The following MAN2A1 variants were observed in gnomAD, a reference collection of about 807,000 sequenced individuals.
MAN2A1 encodes mannosidase alpha class 2A member 1.
Under a neutral mutation model 142.6 loss-of-function variants are expected in MAN2A1, and 76 were observed. The ratio of observed to expected loss-of-function variants is 0.53; its 90% confidence interval spans 0.44 to 0.65. The LOEUF is 0.65. Ranked by LOEUF, MAN2A1 falls within the 30% of genes least tolerant of loss-of-function variation. MAN2A1 has a pLI of 0.00. For missense variants in MAN2A1, 1,311 were observed against 1,365.1 expected (o/e 0.96, Z 0.62); for synonymous variants, 559 against 473.2 (o/e 1.18, Z -2.35).
At chr5:109,751,044 T>C (rs941079886) in intron 4 of MAN2A1, among the ~76,000 whole-genome samples, 1 of 152,056 alleles carries the variant, frequency 6.6e-6, no homozygotes, top group African/African-American at 2.4e-5. Context: ...ATAGTCACCC[T>C]ACTCTGCTGT....
chr5:109,758,631 C>T (rs1262326280), intron 5 of MAN2A1, among the ~76,000 whole-genome samples: 2 of 149,400 alleles, frequency 1.3e-5, no homozygotes, highest in South Asian at 2.1e-4. Flanking sequence ...ATGGTTTTAG[C>T]TCTTACATTT....
chr5:109,828,912 T>C (rs1407418304), intron 16 of MAN2A1, among the ~76,000 whole-genome samples: 1 of 152,202 alleles, frequency 6.6e-6, no homozygotes, highest in Non-Finnish European at 1.5e-5. Context: ...AGTTTTTCTC[T>C]GAGCAATTTT....
intron 3 of MAN2A1, 80 bp downstream of exon 3, chr5:109,716,344 G>T: frequency 8.7e-7 from 1 of 1,154,088 alleles, no homozygotes; most frequent in African/African-American, 1.6e-5. Context: ...TCTGGTAGAG[G>T]CCACTTCTCA....
intron 16 of MAN2A1, among the ~76,000 whole-genome samples, chr5:109,837,660 C>T (rs1278460406): frequency 2.0e-5 from 3 of 152,218 alleles, no homozygotes; most frequent in East Asian, 3.9e-4. Context: ...CCTGTCATTG[C>T]GACATAGCTG....
At chr5:109,694,735 C>T (rs1039635541) in intron 1 of MAN2A1, among the ~76,000 whole-genome samples, 1 of 151,902 alleles carries the variant, frequency 6.6e-6, no homozygotes, top group African/African-American at 2.4e-5. Flanking sequence ...CTTAAGAGTC[C>T]AGCATAGTAG....
rs761979206 is a variant in MAN2A1 at position 109,781,521 on chromosome 5, T to C, written c.1500T>C (p.Asp500=). The change falls in exon 9 of 22, where the codon GAT becomes GAC. Residue 500 remains aspartate (D), a synonymous_variant. Transcript: ENST00000261483. ...SGDFFTYADR[D]DHYWSGYFTS... is the part of the protein sequence containing the mutation. ...ATTTTTTCACTTATGCCGATCGAGATGATCATTACTGGAGTGGCTATTTTA... is the reference window on the plus strand; with the variant it reads ...ATTTTTTCACTTATGCCGATCGAGACGATCATTACTGGAGTGGCTATTTTA... 5.6e-6 allele frequency: 9 copies of C among 1,613,350 alleles called. No homozygotes were observed. In the East Asian group the frequency reaches 1.3e-4, roughly 24 times the overall value.
chr5:109,709,714 G>C (rs980903669), intron 1 of MAN2A1, among the ~76,000 whole-genome samples: 5 of 152,010 alleles, frequency 3.3e-5, no homozygotes, highest in Non-Finnish European at 5.9e-5. Context: ...TTTTTGCTTG[G>C]TTTTTCTCTT....
intron 19 of MAN2A1, among the ~76,000 whole-genome samples, chr5:109,852,212 A>C (rs954299666): frequency 6.6e-6 from 1 of 151,586 alleles, no homozygotes; most frequent in African/African-American, 2.4e-5. Flanking sequence ...TCTGCCCCAC[A>C]GTCTTCAGCT....
chr5:109,780,339 G>A (rs1261232429), intron 8 of MAN2A1, among the ~76,000 whole-genome samples: 4 of 152,068 alleles, frequency 2.6e-5, no homozygotes, highest in Non-Finnish European at 2.9e-5. Context: ...GATTACAGGC[G>A]TGAGCCACCA....
chr5:109,775,782 T>C (rs138440749), intron 8 of MAN2A1, among the ~76,000 whole-genome samples: 1 of 152,136 alleles, frequency 6.6e-6, no homozygotes, highest in South Asian at 2.1e-4. Flanking sequence ...AATAATTTCA[T>C]GATACATATC....
chr5:109,754,346 G>C (rs1398034486), intron 4 of MAN2A1, among the ~76,000 whole-genome samples: 1 of 151,976 alleles, frequency 6.6e-6, no homozygotes, highest in Non-Finnish European at 1.5e-5. Context: ...TTGTTACCTG[G>C]TATGGTATTA....
intron 3 of MAN2A1, among the ~76,000 whole-genome samples, chr5:109,725,125 G>A (rs150005578): frequency 6.6e-6 from 1 of 152,016 alleles, no homozygotes; most frequent in Non-Finnish European, 1.5e-5. Context: ...GTACACAGAG[G>A]CCCACATACC....
At position 109,770,358 on chromosome 5, in the gene MAN2A1, T is replaced by C; in HGVS notation, c.1013T>C (p.Leu338Pro). 1 of 1,610,974 alleles carries C rather than the reference T, an allele frequency of 6.2e-7. No individual in the cohort carries two copies. The highest frequency in any genetic ancestry group is 8.5e-7 in the Non-Finnish European group (1 of 1,178,392). ...GTGTGTTGGCTCTTTATTTTAGATC[T>C]GGGATCTGTCACAGATATTTTATGC... Reference protein sequence around the residue: ...LEFFWRQNWDLGSVTDILCHM... With the variant: ...LEFFWRQNWDPGSVTDILCHM... Residue 338 changes from leucine to proline, a missense_variant, in exon 7 of 22, where the codon CTG becomes CCG. By Grantham distance (98) the Leu-to-Pro change is moderately conservative (BLOSUM62 -3). Transcript: ENST00000261483.
chr5:109,797,679 T>C (rs1317007914), intron 12 of MAN2A1, among the ~76,000 whole-genome samples: 1 of 152,006 alleles, frequency 6.6e-6, no homozygotes, highest in Non-Finnish European at 1.5e-5. Flanking sequence ...TGAAAAGGCC[T>C]CCCTTTATAG....
chr5:109,710,609 A>G (rs1024420160), intron 1 of MAN2A1, among the ~76,000 whole-genome samples: 1 of 152,118 alleles, frequency 6.6e-6, no homozygotes, highest in African/African-American at 2.4e-5. Flanking sequence ...GGTTCAAGCA[A>G]TTCTTCTGCG....
intron 4 of MAN2A1, among the ~76,000 whole-genome samples, chr5:109,742,438 A>G (rs755115521): frequency 5.9e-5 from 9 of 152,138 alleles, no homozygotes; most frequent in Non-Finnish European, 5.9e-5. Flanking sequence ...TCTTTGTACT[A>G]TCTTCTTACA....
In MAN2A1 at chr5:109,855,206, C is replaced by T. The variant is rs1172976391; in HGVS notation, c.3043C>T (p.His1015Tyr). ...LSHITSSLMNHPVIPMANKFS... is the reference protein window; with the variant it reads ...LSHITSSLMNYPVIPMANKFS... ...CCACATAACTTCTTCTCTCATGAAT[C>T]ATCCAGTCATTCCAATGGCAAATAA... The change falls in exon 20 of 22, where the codon CAT becomes TAT. Residue 1015 changes from histidine (H) to tyrosine (Y), a missense_variant. This residue lies in a region of MAN2A1 where 890 missense variants were observed against 920.5 expected (regional missense o/e 0.97). Transcript: ENST00000261483. 17 of 1,607,956 alleles carry T rather than the reference C, an allele frequency of 1.1e-5. No individual in the cohort carries two copies. The highest frequency in any genetic ancestry group is 1.4e-5 in the Non-Finnish European group (17 of 1,178,064).
At chr5:109,844,757 A>T (rs931019974) in intron 17 of MAN2A1, among the ~76,000 whole-genome samples, 2 of 152,126 alleles carry the variant, frequency 1.3e-5, no homozygotes, top group African/African-American at 4.8e-5. Flanking sequence ...CTTTTGTCAT[A>T]CAGCGTTCTC....
chr5:109,793,126 G>A (rs1286215428), intron 12 of MAN2A1, among the ~76,000 whole-genome samples: 1 of 152,036 alleles, frequency 6.6e-6, no homozygotes, highest in African/African-American at 2.4e-5. Context: ...AGCTATCACA[G>A]TTCACCTATA....
Sources: gnomAD v4.1 joint callset for allele counts (sites outside exome capture counted in the v4.1 genomes callset) on GRCh38, gnomAD v4.1.1 for gene constraint, gnomAD v4.1.1 regional missense constraint, MANE v1.5 for transcripts, NCBI Gene and HGNC (gene_info 2026-07-23, HGNC 2026-07-21) for gene names.